GPC2: variants seen among roughly 807,000 people sequenced by gnomAD.
GPC2 encodes the protein glypican-2.
A neutral mutation model predicts 57.3 loss-of-function variants in GPC2; 42 were observed. That is an observed-to-expected ratio of 0.73 (90% CI 0.57 to 0.95). The LOEUF is 0.95. Among genes scored for constraint, GPC2 ranks in the 40% least tolerant of loss-of-function variants. The pLI, the probability that GPC2 is intolerant of heterozygous loss-of-function variation, is 0.00. For missense variants in GPC2, 745 were observed against 793.6 expected (o/e 0.94, Z 0.74); for synonymous variants, 364 against 343.4 (o/e 1.06, Z -0.66).
At chr7:100,170,671 C>A (rs113644793) in intron 9 of GPC2, among the ~76,000 whole-genome samples, 188 bp from the exon 10 acceptor site, 2 of 151,322 alleles carry the variant, frequency 1.3e-5, no homozygotes, top group African/African-American at 4.9e-5. Context: ...GGAGAGAGAT[C>A]CGACAGCAGA....
intron 4 of GPC2, chr7:100,174,415 C>T: frequency 1.8e-6 from 1 of 567,116 alleles, no homozygotes; most frequent in Non-Finnish European, 3.2e-6. Flanking sequence ...TATCCAATCT[C>T]CTACTGCTAT....
chr7:100,176,482 G>A, intron 1 of GPC2, 117 bp from the exon 2 acceptor site: 1 of 955,558 alleles, frequency 1.0e-6, no homozygotes, highest in South Asian at 1.6e-5. Flanking sequence ...CTTTTCTATT[G>A]TCTGCACCCT....
chr7:100,175,273 G>C (rs147050977), intron 3 of GPC2, among the ~76,000 whole-genome samples: 3 of 152,216 alleles, frequency 2.0e-5, no homozygotes, highest in Non-Finnish European at 2.9e-5. Flanking sequence ...GATTAGGAAG[G>C]GGTTGGCACA....
chr7:100,172,611 G>A (rs1396392148), intron 5 of GPC2, among the ~76,000 whole-genome samples: 1 of 122,326 alleles, frequency 8.2e-6, no homozygotes, highest in Non-Finnish European at 1.7e-5. Context: ...GACTACAGGC[G>A]CCTGCCACCA....
At chr7:100,174,359 G>A (rs2116986569) in intron 4 of GPC2, 1 of 523,846 alleles carries the variant, frequency 1.9e-6, no homozygotes, top group Non-Finnish European at 3.5e-6. Flanking sequence ...TTCAGCAGCA[G>A]GGAAGTGGAG....
At position 100,174,836 on chromosome 7, in the gene GPC2, A is replaced by G. The variant is rs1799240801; in HGVS notation, c.649-71T>C. 4 of 1,173,024 alleles carry G rather than the reference A, an allele frequency of 3.4e-6. No homozygotes were observed. The Admixed American group carries it at 7.5e-5, about 22-fold the overall frequency. The allele number at this position is 1,173,024 out of a possible 1,614,324, so 72.7% of individuals were successfully genotyped here. ...GGTCAGTCAAGACTGGAGCCAAGAG[A>G]CTGCATCAAGAGCAGTGAGGGTTGG... On this transcript the variant is annotated intron_variant, in intron 3 of 9. Transcript: ENST00000292377.
In GPC2 at chr7:100,171,862, G is replaced by T; in HGVS notation, c.1087C>A (p.Arg363=). 8 of 1,541,734 alleles carry T rather than the reference G, an allele frequency of 5.2e-6. No individual in the cohort carries two copies. Among genetic ancestry groups the T allele is most frequent in the East Asian group, 2.4e-5 (1 of 42,296 alleles). The part of the protein sequence containing the change: ...PARNRRAPPP[R]EEAGRLWSMV... ...GACCACAGCCGGCCCGCCTCTTCCC[G>T]GGGCGGCGGGGCTCGACGGTTGCGG... The change falls in exon 7 of 10, where the codon CGG becomes AGG. Residue 363 remains arginine, a synonymous_variant. Coordinates refer to ENST00000292377, the MANE Select transcript of GPC2 (RefSeq NM_152742.3). The surrounding 1 kb of genome is among the most constrained non-coding windows in gnomAD (Gnocchi z 4.8).
rs1185374363 is a variant in GPC2 at position 100,169,973 on chromosome 7, A to G, written c.*257T>C. The G allele has an allele frequency of 5.6e-6, 2 of 356,398 alleles. No individual in the cohort carries two copies. Among genetic ancestry groups the G allele is most frequent in the Admixed American group, 4.8e-5 (1 of 20,620 alleles). The allele number at this position is 356,398 out of a possible 1,614,324, so 22.1% of individuals were successfully genotyped here. On this transcript the variant is annotated 3_prime_UTR_variant, in exon 10 of 10. Transcript: ENST00000292377. Reference sequence around the variant, plus strand: ...CCAGCCTTAGAGGGCTAGAGACTATACCTTCTAAGGAAACCACACTCCCTC... The same window carrying G: ...CCAGCCTTAGAGGGCTAGAGACTATGCCTTCTAAGGAAACCACACTCCCTC...
At position 100,171,379 on chromosome 7, in the gene GPC2, G is replaced by C. The variant is rs770353530; in HGVS notation, c.1368C>G (p.Leu456=). The C allele has an allele frequency of 1.2e-5, 18 of 1,539,294 alleles. 1 individual carries two copies. In the South Asian group the frequency reaches 2.2e-4, roughly 19 times the overall value. Residue 456 remains leucine (L), a synonymous_variant, in exon 9 of 10, where the codon CTC becomes CTG. Coordinates refer to ENST00000292377, the MANE Select transcript of GPC2 (RefSeq NM_152742.3). The surrounding 1 kb of genome is among the most constrained non-coding windows in gnomAD (Gnocchi z 4.8). Reference sequence around the variant, plus strand: ...CATCGGGGCCCGAGGCGTCCACCTTGAGCTCGGGGTTGTTGACCTGCTCGG... The same window carrying C: ...CATCGGGGCCCGAGGCGTCCACCTTCAGCTCGGGGTTGTTGACCTGCTCGG... ...SPAEQVNNPE[L]KVDASGPDVP...
chr7:100,171,680 T>C lies in GPC2; in HGVS notation c.1171-2A>G. The C allele has an allele frequency of 6.7e-7, 1 of 1,490,928 alleles. No individual in the cohort carries two copies. The highest frequency in any genetic ancestry group is 8.8e-7 in the Non-Finnish European group (1 of 1,130,750). 92.4% of individuals were successfully genotyped at this position (1,490,928 alleles called of 1,614,324 possible). On this transcript the variant is annotated splice_acceptor_variant, in intron 7 of 9. Coordinates refer to ENST00000292377, the MANE Select transcript of GPC2 (RefSeq NM_152742.3). LOFTEE classifies it high-confidence loss of function. This position sits in a 1 kb window ranked among gnomAD's most constrained non-coding sequence, Gnocchi z 4.8. ...CAGACGCTCGCGGAGCTCCCACACC[T>C]GGGCGGGCGAGAGGGGGCGGGGCGA...
chr7:100,174,831 A>G (rs979101691), intron 3 of GPC2, 66 bp from the exon 4 acceptor site: 1 of 1,197,646 alleles, frequency 8.3e-7, no homozygotes, highest in African/African-American at 1.5e-5. Flanking sequence ...GACTGGAGCC[A>G]AGAGACTGCA....
At chr7:100,176,619 A>G (rs1455256810) in intron 1 of GPC2, among the ~76,000 whole-genome samples, 2 of 152,170 alleles carry the variant, frequency 1.3e-5, no homozygotes, top group African/African-American at 2.4e-5. Flanking sequence ...GAGTGTCCTC[A>G]GGTGACCCTC....
chr7:100,174,266 G>A (rs1231696698), intron 4 of GPC2: 5 of 523,296 alleles, frequency 9.6e-6, no homozygotes. Context: ...TGGGGAGGGA[G>A]GAGGCGGTCA....
Position 100,170,512 on chromosome 7 carries a change from A to G in GPC2, c.1487-29T>C, listed in dbSNP as rs542340413. Reference sequence around the variant, plus strand: ...CAAGGAAGAAGAGGGACAGAGCAGGATGGGAGGGAGAAGCAGAGGGAGACA... The same window carrying G: ...CAAGGAAGAAGAGGGACAGAGCAGGGTGGGAGGGAGAAGCAGAGGGAGACA... On this transcript the variant is annotated intron_variant, in intron 9 of 9. Coordinates refer to ENST00000292377, the MANE Select transcript of GPC2 (RefSeq NM_152742.3). The G allele has an allele frequency of 1.6e-5, 23 of 1,455,428 alleles. No homozygotes were observed. In the East Asian group the frequency reaches 5.9e-4, roughly 37 times the overall value. 90.2% of individuals were successfully genotyped at this position (1,455,428 alleles called of 1,614,324 possible).
intron 1 of GPC2, among the ~76,000 whole-genome samples, chr7:100,176,824 T>A (rs942572511): frequency 6.6e-6 from 1 of 152,070 alleles, no homozygotes; most frequent in Non-Finnish European, 1.5e-5. Context: ...AGGGGATTCC[T>A]GGGGTGGGGA....
chr7:100,175,567 C>T lies in GPC2; in HGVS notation c.648+5G>A. On this transcript the variant is annotated splice_donor_5th_base_variant and intron_variant, in intron 3 of 9. Transcript: ENST00000292377. ...GGTTGAAGCTCAGGCCTCAGGATCC[C>T]TCACCTGCAGGCGGAGGCGGCGGGG... 1.2e-6 allele frequency: 2 copies of T among 1,601,950 alleles called. No homozygotes were observed. The highest frequency in any genetic ancestry group is 8.5e-7 in the Non-Finnish European group (1 of 1,173,696).
chr7:100,174,939 T>C (rs1202912698), intron 3 of GPC2, among the ~76,000 whole-genome samples, 174 bp from the exon 4 acceptor site: 7 of 152,122 alleles, frequency 4.6e-5, no homozygotes, highest in Non-Finnish European at 7.4e-5. Flanking sequence ...ACAGGAATTA[T>C]AGTCTTAAAG....
At chr7:100,174,864 G>A in intron 3 of GPC2, 99 bp from the exon 4 acceptor site, 1 of 845,970 alleles carries the variant, frequency 1.2e-6, no homozygotes, top group Non-Finnish European at 1.9e-6. Context: ...AGGGTTGGGT[G>A]TGTGGGGTTC....
chr7:100,176,381 G>GT lies in GPC2; in HGVS notation c.167-17dup. ...AGGTGCTCACCTGGACAGAGGAGAC[G>GT]TGAAGGAATGGTGGGAAGTGATATC... On this transcript the variant is annotated splice_polypyrimidine_tract_variant and intron_variant, in intron 1 of 9. Transcript: ENST00000292377. 2 of 1,607,654 alleles carry GT rather than the reference G, an allele frequency of 1.2e-6. No homozygotes were observed. The highest frequency in any genetic ancestry group is 1.7e-6 in the Non-Finnish European group (2 of 1,176,568).
Sources: allele counts gnomAD v4.1 joint callset (sites outside exome capture counted in the v4.1 genomes callset), GRCh38; gene constraint gnomAD v4.1.1; non-coding constraint Gnocchi (gnomAD v3.1); transcripts MANE v1.5; gene names NCBI Gene and HGNC (gene_info 2026-07-23, HGNC 2026-07-21).